ST6GALNAC5: variants seen among roughly 807,000 people sequenced by gnomAD.
ST6GALNAC5 encodes the protein ST6 N-acetylgalactosaminide alpha-2,6-sialyltransferase 5, also known as alpha-N-acetylgalactosaminide alpha-2,6-sialyltransferase 5.
In ST6GALNAC5, 27 loss-of-function variants were observed where a neutral mutation model predicts 33.6. The observed-to-expected ratio is 0.80, with a 90% confidence interval of 0.59 to 1.11. ST6GALNAC5 has a LOEUF of 1.11. ST6GALNAC5 is among the 50% of genes least tolerant of loss of function. ST6GALNAC5 has a pLI of 0.00. For missense variants in ST6GALNAC5, 428 were observed against 454.0 expected (o/e 0.94, Z 0.52); for synonymous variants, 194 against 171.2 (o/e 1.13, Z -1.04).
intron 2 of ST6GALNAC5, among the ~76,000 whole-genome samples, chr1:76,920,943 C>T (rs796887022): frequency 1.3e-5 from 2 of 152,118 alleles, no homozygotes; most frequent in African/African-American, 4.8e-5. Flanking sequence ...ACTTAAGGTA[C>T]GGTCATGAGA....
intron 2 of ST6GALNAC5, among the ~76,000 whole-genome samples, chr1:76,883,567 C>T (rs1653830870): frequency 6.6e-6 from 1 of 152,178 alleles, no homozygotes; most frequent in East Asian, 1.9e-4. Context: ...CCTTTGAATA[C>T]AGAGCAACAT....
intron 4 of ST6GALNAC5, among the ~76,000 whole-genome samples, chr1:77,056,751 G>A (rs759082656): frequency 6.6e-6 from 1 of 152,196 alleles, no homozygotes; most frequent in Non-Finnish European, 1.5e-5. Context: ...TTCTCCCAGG[G>A]TGAGGGTGGG....
At chr1:77,051,117 G>A (rs896627077) in intron 4 of ST6GALNAC5, among the ~76,000 whole-genome samples, 4 of 152,140 alleles carry the variant, frequency 2.6e-5, no homozygotes, top group African/African-American at 9.7e-5. Context: ...GCTGGGGTGG[G>A]GGGCATTTAA....
intron 2 of ST6GALNAC5, among the ~76,000 whole-genome samples, chr1:77,034,506 A>T (rs545176306): frequency 3.2e-4 from 49 of 152,216 alleles, no homozygotes; most frequent in African/African-American, 1.2e-3. Context: ...GAAGCAGAAA[A>T]CCCACAACAG....
intron 4 of ST6GALNAC5, among the ~76,000 whole-genome samples, chr1:77,059,062 AAT>A (rs1207192012): frequency 7.2e-5 from 11 of 152,260 alleles, no homozygotes; most frequent in African/African-American, 7.2e-5. Flanking sequence ...ATTATTTAAA[AAT>A]ATGTTTATTT....
chr1:76,985,567 T>A (rs568741436), intron 2 of ST6GALNAC5, among the ~76,000 whole-genome samples: 1 of 152,218 alleles, frequency 6.6e-6, no homozygotes, highest in East Asian at 1.9e-4. Flanking sequence ...ATCAATATCA[T>A]GAAAATGGCC....
chr1:76,911,608 C>T (rs1475715707), intron 2 of ST6GALNAC5, among the ~76,000 whole-genome samples: 1 of 152,056 alleles, frequency 6.6e-6, no homozygotes, highest in Non-Finnish European at 1.5e-5. Context: ...TTGATTATTG[C>T]CACAATTTCA....
intron 2 of ST6GALNAC5, among the ~76,000 whole-genome samples, chr1:77,002,431 CA>C (rs1216994566): frequency 1.3e-5 from 2 of 152,072 alleles, no homozygotes; most frequent in African/African-American, 2.4e-5. Context: ...TTGCTCCTTT[CA>C]AAAAACCAGC....
At position 76,903,122 on chromosome 1, in the gene ST6GALNAC5, A is replaced by G. The variant is rs191492952; in HGVS notation, c.261+34380A>G. Among the ~76,000 whole-genome samples the G allele has an allele frequency of 5.3e-4, 80 of 152,298 alleles. 1 individual carries two copies. The highest frequency in any genetic ancestry group is 1.8e-3 in the African/African-American group (75 of 41,574). On this transcript the variant is annotated intron_variant, in intron 2 of 4. Transcript: ENST00000477717. ...AAAACAACCCATGGAATAAGAGAAAATATTTTCAAATTATATATCCCCTTT... is the reference window on the plus strand; with the variant it reads ...AAAACAACCCATGGAATAAGAGAAAGTATTTTCAAATTATATATCCCCTTT...
At chr1:76,987,314 A>G (rs76188707) in intron 2 of ST6GALNAC5, among the ~76,000 whole-genome samples, 3,595 of 152,260 alleles carry the variant, frequency 0.024, 132 homozygotes, top group African/African-American at 0.082. Flanking sequence ...GAAGATATAA[A>G]ATGTTAGCCA....
At position 77,013,764 on chromosome 1, in the gene ST6GALNAC5, G is replaced by A. The variant is rs144510153; in HGVS notation, c.262-30440G>A. On this transcript the variant is annotated intron_variant, in intron 2 of 4. Transcript: ENST00000477717. ...GAAAGGATAAACAATTAATGTCCCA[G>A]CTCCTGGAAGTCGGATGGCCTTTCT... Among the ~76,000 whole-genome samples the A allele has an allele frequency of 2.1e-3, 314 of 152,318 alleles. 2 individuals are homozygous for A. Among genetic ancestry groups the A allele is most frequent in the African/African-American group, 6.9e-3 (288 of 41,578 alleles).
At chr1:77,017,150 CAAAA>C (rs11304509) in intron 2 of ST6GALNAC5, among the ~76,000 whole-genome samples, 4 of 104,718 alleles carry the variant, frequency 3.8e-5, no homozygotes, top group Admixed American at 1.9e-4. Flanking sequence ...CAGGAAAAGG[CAAAA>C]AAAAAAAAAA....
chr1:76,896,810 T>C (rs137901503), intron 2 of ST6GALNAC5, among the ~76,000 whole-genome samples: 101 of 152,176 alleles, frequency 6.6e-4, no homozygotes, highest in Non-Finnish European at 1.2e-3. Flanking sequence ...TTGAGCATAG[T>C]TTGTGATTTT....
At chr1:76,927,734 C>T (rs916398700) in intron 2 of ST6GALNAC5, among the ~76,000 whole-genome samples, 1 of 151,764 alleles carries the variant, frequency 6.6e-6, no homozygotes, top group East Asian at 1.9e-4. Context: ...TTGTAGGGTC[C>T]CCAGTGACCT....
At chr1:77,028,937 G>A (rs1203704119) in intron 2 of ST6GALNAC5, among the ~76,000 whole-genome samples, 1 of 152,198 alleles carries the variant, frequency 6.6e-6, no homozygotes, top group African/African-American at 2.4e-5. Flanking sequence ...CTGCAGCTGG[G>A]ACAGCTGGGA....
At chr1:77,048,365 C>T (rs1652085721) in intron 3 of ST6GALNAC5, among the ~76,000 whole-genome samples, 1 of 152,186 alleles carries the variant, frequency 6.6e-6, no homozygotes, top group Admixed American at 6.5e-5. Flanking sequence ...TCCACATCCT[C>T]CCAGTTATTC....
intron 4 of ST6GALNAC5, among the ~76,000 whole-genome samples, chr1:77,057,950 A>G (rs938268249): frequency 1.3e-5 from 2 of 152,234 alleles, no homozygotes; most frequent in African/African-American, 4.8e-5. Context: ...AGAATTGCAC[A>G]TGAGCACAAA....
chr1:77,063,338 C>A lies in ST6GALNAC5; in HGVS notation c.*132C>A. On this transcript the variant is annotated 3_prime_UTR_variant, in exon 5 of 5. Transcript: ENST00000477717. ...CTCCTCAGGAAGTACCATGGACAGA[C>A]GCCTACCAGGGGTGACAAAGCAGTG... The A allele has an allele frequency of 1.3e-6, 1 of 758,062 alleles. No homozygotes were observed. The highest frequency in any genetic ancestry group is 2.1e-6 in the Non-Finnish European group (1 of 470,284). The allele number at this position is 758,062 out of a possible 1,614,324, so 47.0% of individuals were successfully genotyped here.
At chr1:76,964,177 T>C (rs1648360771) in intron 2 of ST6GALNAC5, among the ~76,000 whole-genome samples, 1 of 152,150 alleles carries the variant, frequency 6.6e-6, no homozygotes. Context: ...TTTAAGCCCC[T>C]GTATTTGTGG....
Sources: allele counts gnomAD v4.1 joint callset (sites outside exome capture counted in the v4.1 genomes callset), GRCh38; gene constraint gnomAD v4.1.1; transcripts MANE v1.5; gene names NCBI Gene and HGNC (gene_info 2026-07-23, HGNC 2026-07-21).